Variants in PTPRN2 observed in about 807,000 individuals in gnomAD.
The protein encoded by PTPRN2 is protein tyrosine phosphatase receptor type N2.
PTPRN2 carries 74 observed loss-of-function variants against 118.8 expected under a neutral mutation model. The ratio of observed to expected loss-of-function variants is 0.62; its 90% confidence interval spans 0.52 to 0.76. The LOEUF (loss-of-function observed/expected upper bound fraction) is 0.76. PTPRN2 is among the 30% of genes least tolerant of loss of function. PTPRN2 has a pLI of 0.00. For missense variants in PTPRN2, 1,481 were observed against 1,394.4 expected (o/e 1.06, Z -0.99); for synonymous variants, 641 against 608.0 (o/e 1.05, Z -0.80).
rs80306481 is a variant in PTPRN2, at chr7:158,101,606, C to T, written c.1643+9223G>A. Among the ~76,000 whole-genome samples the T allele has an allele frequency of 2.7e-3, 409 of 152,342 alleles. 2 individuals are homozygous for T. The highest frequency in any genetic ancestry group is 7.9e-3 in the African/African-American group (328 of 41,578). On this transcript the variant is annotated intron_variant, in intron 10 of 22. Coordinates refer to ENST00000389418, the MANE Select transcript of PTPRN2 (RefSeq NM_002847.5). The stretch of plus-strand genomic sequence containing the variant: ...CCTTCTTCCAGTCATCTAGCCCAAA[C>T]AATCCCACTGTATACAAAGAAAGAC...
intron 12 of PTPRN2, among the ~76,000 whole-genome samples, chr7:157,849,648 T>C (rs548442906): frequency 1.3e-5 from 2 of 152,290 alleles, no homozygotes; most frequent in African/African-American, 4.8e-5. Context: ...CCCATCTAAA[T>C]GGGCAGTCTG....
intron 1 of PTPRN2, among the ~76,000 whole-genome samples, chr7:158,490,233 G>A (rs531782663): frequency 1.5e-4 from 23 of 152,344 alleles, no homozygotes; most frequent in Admixed American, 1.4e-3. Flanking sequence ...CGAGCTCCGC[G>A]GGGAGCCCGG....
At chr7:157,906,780 G>A (rs1434334936) in intron 11 of PTPRN2, among the ~76,000 whole-genome samples, 1 of 152,192 alleles carries the variant, frequency 6.6e-6, no homozygotes, top group Non-Finnish European at 1.5e-5. Context: ...TGGGCTAGGG[G>A]CTGAGGGAGA....
At chr7:157,685,657 C>G (rs1797150175) in intron 12 of PTPRN2, among the ~76,000 whole-genome samples, 1 of 152,162 alleles carries the variant, frequency 6.6e-6, no homozygotes, top group Admixed American at 6.5e-5. Flanking sequence ...CCGGGACCCT[C>G]GACACGCTCC....
chr7:157,742,985 T>C (rs1004865164), intron 12 of PTPRN2, among the ~76,000 whole-genome samples: 1 of 152,232 alleles, frequency 6.6e-6, no homozygotes, highest in Non-Finnish European at 1.5e-5. Context: ...TCCAACCCAA[T>C]GCTCTGTGCT....
At chr7:157,913,306 T>C (rs1798202205) in intron 11 of PTPRN2, among the ~76,000 whole-genome samples, 2 of 152,238 alleles carry the variant, frequency 1.3e-5, no homozygotes, top group African/African-American at 2.4e-5. Context: ...TTAGTTTACC[T>C]GGATCTTCTT....
rs769489800 is a variant in PTPRN2, at chr7:157,568,350, C to T, written c.2902+552G>A. ...TGAGAGGAACGCCTCCCACAGCACG[C>T]ACAGAGATTCCCTAGATAAGAAGGA... On this transcript the variant is annotated intron_variant, in intron 21 of 22. Transcript: ENST00000389418. Among the ~76,000 whole-genome samples, 162 of 152,314 alleles carry T rather than the reference C, an allele frequency of 1.1e-3. 1 individual carries two copies. Among genetic ancestry groups the T allele is most frequent in the Non-Finnish European group, 1.7e-3 (115 of 68,032 alleles).
chr7:157,595,542 AGGAGGTTAGGAAGCCT>A (rs1801265338), intron 16 of PTPRN2, among the ~76,000 whole-genome samples: 4 of 101,758 alleles, frequency 3.9e-5, no homozygotes, highest in African/African-American at 1.1e-4. Flanking sequence ...TTAGGAAGCC[AGGAGGTTAGGAAGCCT>A]GGAGGTTAGG....
intron 2 of PTPRN2, among the ~76,000 whole-genome samples, chr7:158,326,039 G>A (rs1563141030): frequency 6.6e-6 from 1 of 152,202 alleles, no homozygotes; most frequent in Non-Finnish European, 1.5e-5. Context: ...CAACGTTGCA[G>A]GGCTCAGGGC....
intron 12 of PTPRN2, among the ~76,000 whole-genome samples, chr7:157,754,621 CG>C (rs1801674945): frequency 6.6e-6 from 1 of 152,202 alleles, no homozygotes. Flanking sequence ...GCCGAGGCTC[CG>C]GCTGGAAAGG....
intron 5 of PTPRN2, among the ~76,000 whole-genome samples, chr7:158,187,124 C>A (rs1038965678): frequency 2.0e-5 from 3 of 152,176 alleles, no homozygotes; most frequent in African/African-American, 7.2e-5. Context: ...ATTTAGTGAT[C>A]AATAAGTGCT....
At chr7:157,569,770 C>T (rs1378398717) in intron 20 of PTPRN2, among the ~76,000 whole-genome samples, 2 of 152,230 alleles carry the variant, frequency 1.3e-5, no homozygotes, top group African/African-American at 4.8e-5. Context: ...GTTTGAGAGA[C>T]CTTCTTAAAA....
rs1278727322 is a variant in PTPRN2, at chr7:157,831,111, G to GAGTT, written c.1788+67558_1788+67561dup. 2.0e-5 allele frequency among the ~76,000 whole-genome samples: 3 copies of GAGTT among 152,220 alleles called. No individual in the cohort carries two copies. Among genetic ancestry groups the GAGTT allele is most frequent in the Non-Finnish European group, 4.4e-5 (3 of 68,046 alleles). On this transcript the variant is annotated intron_variant, in intron 12 of 22. Transcript: ENST00000389418. This position sits in a 1 kb window ranked among gnomAD's most constrained non-coding sequence, Gnocchi z 4.8. Reference sequence around the variant, plus strand: ...TTCTTTCAACTTGTTTGACAGTGTGGAGTTTGCAAAATAAAATTCTGGGAT... The same window carrying GAGTT: ...TTCTTTCAACTTGTTTGACAGTGTGGAGTTAGTTTGCAAAATAAAATTCTGGGAT...
chr7:158,513,553 T>C (rs943445904), intron 1 of PTPRN2, among the ~76,000 whole-genome samples: 1 of 152,200 alleles, frequency 6.6e-6, no homozygotes, highest in Non-Finnish European at 1.5e-5. Flanking sequence ...TGTGAAGATA[T>C]GAGAACTCTC....
chr7:157,960,323 G>A (rs1278702886), intron 11 of PTPRN2, among the ~76,000 whole-genome samples: 2 of 152,094 alleles, frequency 1.3e-5, no homozygotes, highest in African/African-American at 4.8e-5. Flanking sequence ...TAGTTAAAAT[G>A]GTAAATTTTA....
At chr7:158,246,489 T>C (rs10254474) in intron 3 of PTPRN2, among the ~76,000 whole-genome samples, 119,846 of 150,482 alleles carry the variant, frequency 0.8, 48,073 homozygotes, top group African/African-American at 0.87. Context: ...AGAAGGAGGA[T>C]GCTGGGGCTG....
Position 158,008,469 on chromosome 7 carries a change from G to A in PTPRN2, c.1723+72829C>T, listed in dbSNP as rs572023221. ...TCATAAACAGATGAACCTGTCCCGC[G>A]CGCGTGGTGGCGGCTTACACGGCGG... is the stretch of plus-strand genomic sequence containing the variant. On this transcript the variant is annotated intron_variant, in intron 11 of 22. Transcript: ENST00000389418. Among the ~76,000 whole-genome samples, 6 of 152,340 alleles carry A rather than the reference G, an allele frequency of 3.9e-5. No homozygotes were observed. In the South Asian group the frequency reaches 8.3e-4, roughly 21 times the overall value.
At chr7:157,660,334 A>G (rs1368495874) in intron 13 of PTPRN2, among the ~76,000 whole-genome samples, 2 of 152,140 alleles carry the variant, frequency 1.3e-5, no homozygotes, top group East Asian at 1.9e-4. Flanking sequence ...AGCTACAGTG[A>G]GGTCTGAGCT....
At chr7:157,984,457 C>A (rs1333897828) in intron 11 of PTPRN2, among the ~76,000 whole-genome samples, 4 of 135,148 alleles carry the variant, frequency 3.0e-5, no homozygotes, top group Non-Finnish European at 4.8e-5. Context: ...ACCCCCCCCA[C>A]GCCAGGCTCC....
Sources: gnomAD v4.1 joint callset for allele counts (sites outside exome capture counted in the v4.1 genomes callset) on GRCh38, gnomAD v4.1.1 for gene constraint, Gnocchi (gnomAD v3.1) non-coding constraint, MANE v1.5 for transcripts, NCBI Gene and HGNC (gene_info 2026-07-23, HGNC 2026-07-21) for gene names.